Variants in SCARB1 observed in about 807,000 individuals in gnomAD.
SCARB1 encodes the protein CD36 and LIMPII analogous 1.
SCARB1 carries 30 observed loss-of-function variants against 57.2 expected under a neutral mutation model. The ratio of observed to expected loss-of-function variants is 0.52; its 90% CI spans 0.39 to 0.71. The LOEUF (loss-of-function observed/expected upper bound fraction) is 0.71. Ranked by LOEUF, SCARB1 falls within the 30% of genes least tolerant of loss-of-function variation. The probability of loss-of-function intolerance (pLI) is 0.00; values close to 1 mark genes in which losing one functional copy is unlikely to be tolerated. For missense variants in SCARB1, 543 were observed against 671.2 expected (o/e 0.81, Z 2.11); for synonymous variants, 249 against 268.3 (o/e 0.93, Z 0.70).
intron 1 of SCARB1, among the ~76,000 whole-genome samples, chr12:124,857,423 G>A (rs977133207): frequency 3.3e-5 from 5 of 152,218 alleles, no homozygotes; most frequent in African/African-American, 9.7e-5. Flanking sequence ...AGGGACAGCC[G>A]GTGACATCCC....
chr12:124,778,797 C>T (rs1239247502), intron 12 of SCARB1, among the ~76,000 whole-genome samples: 2 of 152,112 alleles, frequency 1.3e-5, no homozygotes, highest in Non-Finnish European at 1.5e-5. Flanking sequence ...CGCCTGGCCT[C>T]CCCGACCTCC....
At chr12:124,858,836 A>G (rs183189001) in intron 1 of SCARB1, among the ~76,000 whole-genome samples, 2,083 of 150,994 alleles carry the variant, frequency 0.014, 50 homozygotes, top group African/African-American at 0.048. Context: ...CCGAGATCGC[A>G]CCACTGCACT....
rs137931159 is a variant in SCARB1 at position 124,790,362 on chromosome 12, G to A, written c.1203-2905C>T. On this transcript the variant is annotated intron_variant, in intron 9 of 12. Coordinates refer to ENST00000261693, the MANE Select transcript of SCARB1 (RefSeq NM_005505.5). ...CCACTGTACTCCAGTCTAGATAGCA[G>A]AGCGAGACTGTGTCTCAACAACAAC... Among the ~76,000 whole-genome samples, 365 of 152,058 alleles carry A rather than the reference G, an allele frequency of 2.4e-3. 2 individuals are homozygous for A. Among genetic ancestry groups the A allele is most frequent in the African/African-American group, 8.2e-3 (340 of 41,368 alleles).
At chr12:124,862,164 C>A (rs542032686) in intron 1 of SCARB1, among the ~76,000 whole-genome samples, 31 of 152,254 alleles carry the variant, frequency 2.0e-4, no homozygotes, top group African/African-American at 6.5e-4. Context: ...TATGAGTAGG[C>A]CACAGAAAAA....
intron 1 of SCARB1, among the ~76,000 whole-genome samples, chr12:124,854,062 T>C (rs1040019746): frequency 1.3e-5 from 2 of 151,924 alleles, no homozygotes; most frequent in African/African-American, 4.8e-5. Context: ...TGGGGAGAAA[T>C]AGACAATAAA....
intron 10 of SCARB1, among the ~76,000 whole-genome samples, chr12:124,786,875 C>T (rs903539250): frequency 2.8e-4 from 42 of 152,252 alleles, no homozygotes; most frequent in African/African-American, 8.9e-4. Context: ...TCCCCATCAA[C>T]CCACTTCAGA....
chr12:124,840,091 C>A (rs1025953423), intron 1 of SCARB1: 5 of 1,278,006 alleles, frequency 3.9e-6, no homozygotes, highest in Non-Finnish European at 5.1e-6. Flanking sequence ...AAGTGACCAT[C>A]CTAATGGGTA....
intron 1 of SCARB1, among the ~76,000 whole-genome samples, chr12:124,841,933 G>A (rs889410065): frequency 2.0e-5 from 3 of 152,156 alleles, no homozygotes; most frequent in South Asian, 2.1e-4. Flanking sequence ...TTTTGTCCAC[G>A]GCTGTAGCTC....
chr12:124,832,417 G>A (rs1951436953), intron 1 of SCARB1, among the ~76,000 whole-genome samples: 4 of 152,120 alleles, frequency 2.6e-5, no homozygotes, highest in Admixed American at 2.6e-4. Context: ...CTACTTGGGA[G>A]GCTGAGGAAG....
intron 12 of SCARB1, among the ~76,000 whole-genome samples, chr12:124,780,960 C>A (rs747351873): frequency 6.6e-6 from 1 of 152,206 alleles, no homozygotes; most frequent in Non-Finnish European, 1.5e-5. Context: ...GGGGCCAAAC[C>A]GTGCACAGCA....
chr12:124,838,592 C>T (rs1192218738), intron 1 of SCARB1, among the ~76,000 whole-genome samples: 1 of 151,996 alleles, frequency 6.6e-6, no homozygotes, highest in Non-Finnish European at 1.5e-5. Context: ...AAGTCTTCTG[C>T]AACAGGCTCA....
intron 1 of SCARB1, among the ~76,000 whole-genome samples, chr12:124,862,172 A>G (rs907652038): frequency 2.0e-5 from 3 of 152,140 alleles, no homozygotes; most frequent in African/African-American, 4.8e-5. Context: ...GGCCACAGAA[A>G]AATAAAGCTC....
intron 1 of SCARB1, chr12:124,862,643 T>TG (rs1952944394): frequency 6.6e-6 from 1 of 152,010 alleles, no homozygotes; most frequent in South Asian, 2.1e-4. Context: ...GCTAGAACTT[T>TG]GATAAGAGTG....
intron 9 of SCARB1, among the ~76,000 whole-genome samples, chr12:124,794,452 G>A (rs1423575983): frequency 6.9e-6 from 1 of 144,674 alleles, no homozygotes; most frequent in Non-Finnish European, 1.5e-5. Context: ...CCAGGCTGGA[G>A]TGCAGTGGCG....
chr12:124,837,568 GAAAAGAAAAGAAAAGAAAAGAAAAGA>G (rs1409180815), intron 1 of SCARB1, among the ~76,000 whole-genome samples: 4,529 of 76,752 alleles, frequency 0.059, 314 homozygotes, highest in South Asian at 0.15. Flanking sequence ...GAAAAGAAAA[GAAAAGAAAAGAAAAGAAAAGAAAAGA>G]AAAGTCAGCC....
chr12:124,841,807 A>G (rs1951920602), intron 1 of SCARB1, among the ~76,000 whole-genome samples: 1 of 151,990 alleles, frequency 6.6e-6, no homozygotes, highest in South Asian at 2.1e-4. Flanking sequence ...GCTCCATGTC[A>G]GCTCACCTGC....
intron 12 of SCARB1, among the ~76,000 whole-genome samples, chr12:124,781,166 GGCTGGCAGC>G (rs1286986204): frequency 6.6e-6 from 1 of 152,166 alleles, no homozygotes; most frequent in African/African-American, 2.4e-5. Flanking sequence ...TGGGACACAG[GGCTGGCAGC>G]GCCTGCCAAC....
At chr12:124,840,175 G>A (rs1163953860) in intron 1 of SCARB1, among the ~76,000 whole-genome samples, 1 of 151,400 alleles carries the variant, frequency 6.6e-6, no homozygotes, top group Non-Finnish European at 1.5e-5. Flanking sequence ...TGTCCCCGTT[G>A]GCTATCTGCA....
intron 2 of SCARB1, among the ~76,000 whole-genome samples, chr12:124,816,011 C>A (rs1485389132): frequency 6.6e-6 from 1 of 151,326 alleles, no homozygotes; most frequent in East Asian, 1.9e-4. Flanking sequence ...CCTCGTAACC[C>A]CAGCCGCACA....
Sources: gnomAD v4.1 joint callset for allele counts (sites outside exome capture counted in the v4.1 genomes callset) on GRCh38, gnomAD v4.1.1 for gene constraint, MANE v1.5 for transcripts, NCBI Gene and HGNC (gene_info 2026-07-23, HGNC 2026-07-21) for gene names.